NCOR2: variants seen among roughly 807,000 people sequenced by gnomAD.
The protein encoded by NCOR2 is nuclear receptor corepressor 2.
Under a neutral mutation model 262.9 loss-of-function variants are expected in NCOR2, and 81 were observed. The observed-to-expected ratio is 0.31, with a 90% CI of 0.26 to 0.37. The LOEUF (loss-of-function observed/expected upper bound fraction) is 0.37. Among genes scored for constraint, NCOR2 ranks in the 10% least tolerant of loss-of-function variants. NCOR2 has a pLI of 1.00. For synonymous variants in NCOR2, 1,659 were observed against 1,559.3 expected, an observed-to-expected ratio of 1.06 and a Z score of -1.51; for missense variants, 3,385 against 3,621.4, an observed-to-expected ratio of 0.93 and a Z score of 1.68.
At chr12:124,405,547 A>T (rs2042228899) in intron 13 of NCOR2, among the ~76,000 whole-genome samples, 1 of 152,236 alleles carries the variant, frequency 6.6e-6, no homozygotes, top group African/African-American at 2.4e-5. Context: ...CGGTGGGGGA[A>T]GATGAAAAGG....
chr12:124,538,489 G>A (rs1190956318), upstream of NCOR2: 1 of 153,066 alleles, frequency 6.5e-6, no homozygotes, highest in African/African-American at 2.4e-5. Flanking sequence ...GAGAGAGGAG[G>A]GCTGGAGGCA....
chr12:124,381,772 C>A (rs1219795403), intron 17 of NCOR2, among the ~76,000 whole-genome samples: 1 of 152,126 alleles, frequency 6.6e-6, no homozygotes, highest in Non-Finnish European at 1.5e-5. Flanking sequence ...TGGGCCAAGG[C>A]TGAGGCGGAC....
intron 1 of NCOR2, among the ~76,000 whole-genome samples, chr12:124,518,542 G>T (rs895516899): frequency 6.6e-6 from 1 of 152,258 alleles, no homozygotes; most frequent in African/African-American, 2.4e-5. Flanking sequence ...CGGGCCTCCA[G>T]CGATCCGTTC....
exon 47 of NCOR2, chr12:124,325,385 C>CCT (rs1555297274): frequency 1.9e-6 from 1 of 539,440 alleles, no homozygotes; most frequent in East Asian, 3.9e-5. Flanking sequence ...CCGCCCCCCC[C>CCT]CCCGCCCTGT....
At chr12:124,330,788 GT>G in intron 44 of NCOR2, 56 bp downstream of exon 46, 1 of 1,528,502 alleles carries the variant, frequency 6.5e-7, no homozygotes, top group Non-Finnish European at 8.9e-7. Flanking sequence ...TGGAGCAGGG[GT>G]GGGGAGGGAG....
chr12:124,544,995 C>T (rs1215390968), intron 1 of NCOR2, among the ~76,000 whole-genome samples: 4 of 152,146 alleles, frequency 2.6e-5, no homozygotes, highest in Admixed American at 2.6e-4. Context: ...CCTTGCTTCT[C>T]GGAACCTCAG....
chr12:124,466,138 ACCGGGGG>A lies in NCOR2; in HGVS notation c.705+28_705+34del, dbSNP rs2046405674. 2.5e-6 allele frequency: 4 copies of A among 1,572,648 alleles called. No homozygotes were observed. In the East Asian group the frequency reaches 9.5e-5, roughly 37 times the overall value. On this transcript the variant is annotated intron_variant, in intron 5 of 46. Coordinates refer to ENST00000405201, the Ensembl canonical transcript of NCOR2. ...CCCTGTGAAGCGCCTCATGGCCAGC[ACCGGGGG>A]GCAGCAGGCCAGGGCGGGGACACAT...
chr12:124,340,638 A>C, exon 35 of NCOR2: 1 of 1,497,058 alleles, frequency 6.7e-7, no homozygotes, highest in South Asian at 1.4e-5. Flanking sequence ...CGGCTGCTGA[A>C]GGGCTGGGGC....
chr12:124,450,813 C>T (rs1367356244), intron 6 of NCOR2, among the ~76,000 whole-genome samples: 2 of 152,232 alleles, frequency 1.3e-5, no homozygotes, highest in Non-Finnish European at 2.9e-5. Context: ...TACTTTCTAG[C>T]TGGGTCTCCC....
At chr12:124,340,774 G>A (rs1302667263) in intron 34 of NCOR2, 23 bp from the exon 37 acceptor site, 7 of 1,504,382 alleles carry the variant, frequency 4.7e-6, no homozygotes, top group Non-Finnish European at 6.1e-6. Flanking sequence ...TTGGGCCAGG[G>A]CTGTAGCCAC....
At chr12:124,519,706 A>G (rs2050066815) in intron 1 of NCOR2, among the ~76,000 whole-genome samples, 1 of 152,192 alleles carries the variant, frequency 6.6e-6, no homozygotes, top group Non-Finnish European at 1.5e-5. Flanking sequence ...GAGTAATAAT[A>G]TTAATAACAA....
chr12:124,430,500 G>A (rs2043851727), intron 9 of NCOR2, 115 bp downstream of exon 11: 1 of 1,317,880 alleles, frequency 7.6e-7, no homozygotes, highest in Admixed American at 2.4e-5. Flanking sequence ...CTGGCCACTG[G>A]CCTGAGAAGC....
intron 1 of NCOR2, among the ~76,000 whole-genome samples, chr12:124,559,322 C>G (rs1211914388): frequency 1.3e-5 from 2 of 152,204 alleles, no homozygotes; most frequent in African/African-American, 2.4e-5. Context: ...CCCGAGGTCT[C>G]CGGGTACCAC....
intron 1 of NCOR2, among the ~76,000 whole-genome samples, chr12:124,507,974 G>A (rs1252235634): frequency 2.6e-5 from 4 of 152,244 alleles, no homozygotes; most frequent in Non-Finnish European, 5.9e-5. Context: ...TTATGGGGTC[G>A]CCTCTAGTAT....
At chr12:124,397,217 C>A (rs991914161) in intron 16 of NCOR2, among the ~76,000 whole-genome samples, 3 of 152,224 alleles carry the variant, frequency 2.0e-5, no homozygotes, top group African/African-American at 7.2e-5. Flanking sequence ...CCAGCTCCGA[C>A]AGCCCCTGCC....
intron 20 of NCOR2, among the ~76,000 whole-genome samples, chr12:124,364,406 C>G (rs1204332036): frequency 6.6e-6 from 1 of 152,224 alleles, no homozygotes; most frequent in Non-Finnish European, 1.5e-5. Flanking sequence ...CCTAGACTCT[C>G]TCCCACACAC....
chr12:124,523,636 T>TAA lies in NCOR2; in HGVS notation c.-118+11927_-118+11928dup, dbSNP rs5801559. ...CTAACACTAACCATAGCTGATGAACTAAAAAAAAAAAAAACAAAAAACCGA... is the reference window on the plus strand; with the variant it reads ...CTAACACTAACCATAGCTGATGAACTAAAAAAAAAAAAAAAACAAAAAACCGA... On this transcript the variant is annotated intron_variant, in intron 1 of 46. Coordinates refer to the NCOR2 transcript ENST00000404621. This position sits in a 1 kb window ranked among gnomAD's most constrained non-coding sequence, Gnocchi z 4.0. 0.33 allele frequency among the ~76,000 whole-genome samples: 45,982 copies of TAA among 138,226 alleles called. 7,495 individuals are homozygous for TAA. Among genetic ancestry groups the TAA allele is most frequent in the East Asian group, 0.43 (2,116 of 4,910 alleles). 90.7% of individuals were successfully genotyped at this position (138,226 alleles called of 152,430 possible). A position where few individuals can be genotyped will look rare whatever the true frequency, so the allele number is the denominator to read the frequency against.
intron 25 of NCOR2, 37 bp from the exon 28 acceptor site, chr12:124,354,619 G>A (rs2271141): frequency 0.3 from 439,473 of 1,476,470 alleles, 67,543 homozygotes; most frequent in Admixed American, 0.48. Context: ...ACGTGCTGCC[G>A]GAGCAGGGTC....
In NCOR2 at chr12:124,549,777, C is replaced by A. The variant is rs1042253291; in HGVS notation, c.-164-14166G>T. ...CCCTCAAGATAACCTTATCACGTTTCACGGAGGGAGAGAGGGCGGCAGGAA... is the reference window on the plus strand; with the variant it reads ...CCCTCAAGATAACCTTATCACGTTTAACGGAGGGAGAGAGGGCGGCAGGAA... On this transcript the variant is annotated intron_variant, in intron 1 of 32. Transcript: ENST00000458234. The surrounding 1 kb of genome is among the most constrained non-coding windows in gnomAD (Gnocchi z 4.4). 6.6e-6 allele frequency among the ~76,000 whole-genome samples: 1 copy of A among 152,182 alleles called. No individual in the cohort carries two copies. Among genetic ancestry groups the A allele is most frequent in the Non-Finnish European group, 1.5e-5 (1 of 68,026 alleles).
Sources: gnomAD v4.1 joint callset for allele counts (sites outside exome capture counted in the v4.1 genomes callset) on GRCh38, gnomAD v4.1.1 for gene constraint, Gnocchi (gnomAD v3.1) non-coding constraint, MANE v1.5 for transcripts, NCBI Gene and HGNC (gene_info 2026-07-23, HGNC 2026-07-21) for gene names.